Variants in GPR155 observed in about 807,000 individuals in gnomAD.
GPR155 encodes lysosomal cholesterol signaling protein.
GPR155 carries 65 observed loss-of-function variants against 93.1 expected under a neutral mutation model. The observed-to-expected ratio is 0.70, with a 90% CI of 0.57 to 0.86. GPR155 has a LOEUF of 0.86. GPR155 is among the 40% of genes least tolerant of loss of function. The pLI is 0.00. For missense variants in GPR155, 838 were observed against 1,034.8 expected (o/e 0.81, Z 2.61); for synonymous variants, 319 against 360.1 (o/e 0.89, Z 1.29).
intron 11 of GPR155, among the ~76,000 whole-genome samples, chr2:174,450,613 A>G (rs1687290282): frequency 6.6e-6 from 1 of 152,184 alleles, no homozygotes; most frequent in Admixed American, 6.5e-5. Flanking sequence ...GAGGTGAGGG[A>G]CTTTTCACAG....
rs1686649836 is a variant in GPR155 at position 174,431,721 on chromosome 2, A to C, written c.*4395T>G. ...TACCTATGTGCAGTGGCCTAAAGTAATTTAATATTTTACATGATGAGATAT... is the reference window on the plus strand; with the variant it reads ...TACCTATGTGCAGTGGCCTAAAGTACTTTAATATTTTACATGATGAGATAT... On this transcript the variant is annotated 3_prime_UTR_variant, in exon 16 of 16. Coordinates refer to ENST00000392552, the MANE Select transcript of GPR155 (RefSeq NM_152529.7). 2.6e-5 allele frequency: 4 copies of C among 152,218 alleles called. No homozygotes were observed. In the South Asian group the frequency reaches 8.3e-4, roughly 31 times the overall value. The allele number at this position is 152,218 out of a possible 1,614,324, so 9.4% of individuals were successfully genotyped here.
intron 12 of GPR155, 98 bp from the exon 13 acceptor site, chr2:174,445,274 C>A: frequency 1.5e-6 from 1 of 649,310 alleles, no homozygotes; most frequent in Non-Finnish European, 2.7e-6. Context: ...TTAATAATTA[C>A]AGGGAAAAAG....
intron 5 of GPR155, among the ~76,000 whole-genome samples, chr2:174,467,287 G>A (rs1335832182): frequency 1.3e-5 from 2 of 152,208 alleles, no homozygotes; most frequent in Non-Finnish European, 2.9e-5. Flanking sequence ...ATCACTTGAG[G>A]TTAAGAGTTC....
chr2:174,455,108 T>C (rs549940742), intron 10 of GPR155, among the ~76,000 whole-genome samples: 1 of 152,314 alleles, frequency 6.6e-6, no homozygotes, highest in East Asian at 1.9e-4. Flanking sequence ...GTGATAGATA[T>C]GCTAATTACC....
In GPR155 at chr2:174,473,273, C is replaced by T. The variant is rs1289825574; in HGVS notation, c.552G>A (p.Gly184=). ...ACTTTTGGATTTCACAGAAAATAAA[C>T]CCTATAGGGTTTAACATCATAAGAG... The part of the protein sequence containing the change: ...PISLMMLNPI[G]FIFCEIQKWK... The change falls in exon 3 of 16, where the codon GGG becomes GGA. Residue 184 remains glycine, a synonymous_variant. Transcript: ENST00000392552. The T allele has an allele frequency of 6.2e-7, 1 of 1,611,408 alleles. No individual in the cohort carries two copies. Among genetic ancestry groups the T allele is most frequent in the East Asian group, 2.2e-5 (1 of 44,846 alleles).
At position 174,453,801 on chromosome 2, in the gene GPR155, G is replaced by T. The variant is rs1235535193; in HGVS notation, c.1812C>A (p.Cys604Ter). 1 of 1,613,680 alleles carries T rather than the reference G, an allele frequency of 6.2e-7. No homozygotes were observed. Among genetic ancestry groups the T allele is most frequent in the Non-Finnish European group, 8.5e-7 (1 of 1,179,700 alleles). The change falls in exon 11 of 16, where the codon TGC becomes TGA. Residue 604 changes from cysteine (C) to a stop codon, truncating the protein, a stop_gained. Transcript: ENST00000392552. LOFTEE classifies it high-confidence loss of function. Reference protein sequence around the residue: ...SCSMGNGELHCPSIEPIANTS... With the variant: ...SCSMGNGELH Reference sequence around the variant, plus strand: ...TGTTTGCTATTGGCTCTATTGATGGGCAGTGTAATTCACCATTTCCCATGG... The same window carrying T: ...TGTTTGCTATTGGCTCTATTGATGGTCAGTGTAATTCACCATTTCCCATGG...
chr2:174,456,531 G>A (rs1640256599), intron 10 of GPR155, among the ~76,000 whole-genome samples: 1 of 151,956 alleles, frequency 6.6e-6, no homozygotes. Context: ...TCCAACTCCT[G>A]AGCTTAGGCA....
At position 174,446,604 on chromosome 2, in the gene GPR155, C is replaced by A. The variant is rs771660658; in HGVS notation, c.2013+7G>T. ...GGCCCCAAAACAAAACCAGAAAAAA[C>A]CATTACAGCGAACAGGCCAATGATG... On this transcript the variant is annotated splice_region_variant and intron_variant, in intron 12 of 15. Transcript: ENST00000392552. 6 of 1,599,768 alleles carry A rather than the reference C, an allele frequency of 3.8e-6. No homozygotes were observed. Among genetic ancestry groups the A allele is most frequent in the Middle Eastern group, 1.7e-4 (1 of 6,028 alleles).
In GPR155 at chr2:174,433,993, C is replaced by T. The variant is rs1290858416; in HGVS notation, c.*2123G>A. 1 of 150,386 alleles carries T rather than the reference C, an allele frequency of 6.6e-6. No individual in the cohort carries two copies. The highest frequency in any genetic ancestry group is 1.5e-5 in the Non-Finnish European group (1 of 67,772). 9.3% of individuals were successfully genotyped at this position (150,386 alleles called of 1,614,324 possible). On this transcript the variant is annotated 3_prime_UTR_variant, in exon 16 of 16. Transcript: ENST00000392552. ...TTTTTTTTTCTGAGACAGAGTCTCA[C>T]TCTGACACTCAGGCTGGAGTGCAGT...
intron 11 of GPR155, among the ~76,000 whole-genome samples, chr2:174,448,495 C>T (rs960340340): frequency 1.3e-5 from 2 of 151,392 alleles, no homozygotes; most frequent in East Asian, 1.9e-4. Context: ...GTAACAAAAA[C>T]ACTATACTGG....
At chr2:174,483,395 T>G (rs1220081782) in intron 1 of GPR155, among the ~76,000 whole-genome samples, 1 of 152,082 alleles carries the variant, frequency 6.6e-6, no homozygotes, top group Non-Finnish European at 1.5e-5. Flanking sequence ...AAATACAAAA[T>G]GTTTTGTAAA....
intron 11 of GPR155, among the ~76,000 whole-genome samples, chr2:174,448,826 C>T (rs1210804592): frequency 2.0e-5 from 3 of 151,734 alleles, no homozygotes; most frequent in Admixed American, 6.6e-5. Context: ...CGTGAGCCAC[C>T]GCGCCCGGCC....
intron 10 of GPR155, among the ~76,000 whole-genome samples, chr2:174,454,959 A>G (rs1424423258): frequency 1.3e-5 from 2 of 152,284 alleles, no homozygotes; most frequent in East Asian, 3.9e-4. Context: ...TGGGGTCAAC[A>G]GGTACAAAGT....
At chr2:174,454,855 GGAAGGAAGGGAAAGGAAGGAAGA>G (rs1360018186) in intron 10 of GPR155, among the ~76,000 whole-genome samples, 2 of 137,318 alleles carry the variant, frequency 1.5e-5, no homozygotes, top group South Asian at 2.4e-4. Flanking sequence ...AGGAAGGAAG[GGAAGGAAGGGAAAGGAAGGAAGA>G]GAAGGAAGGG....
chr2:174,484,587 C>G (rs1688420139), intron 1 of GPR155, among the ~76,000 whole-genome samples: 1 of 152,180 alleles, frequency 6.6e-6, no homozygotes, highest in Admixed American at 6.5e-5. Context: ...TCATAAGTTA[C>G]TTAGTCTTTC....
chr2:174,432,218 CAAAGA>C lies in GPR155; in HGVS notation c.*3893_*3897del, dbSNP rs1241105243. 1 of 152,520 alleles carries C rather than the reference CAAAGA, an allele frequency of 6.6e-6. No individual in the cohort carries two copies. Among genetic ancestry groups the C allele is most frequent in the Non-Finnish European group, 1.5e-5 (1 of 68,016 alleles). 9.4% of individuals were successfully genotyped at this position (152,520 alleles called of 1,614,324 possible). On this transcript the variant is annotated 3_prime_UTR_variant, in exon 16 of 16. Transcript: ENST00000392552. Reference sequence around the variant, plus strand: ...TGGCTTCTGCATTATTCAGATTACTCAAAGAAAAGATGTCAGTAATGCAAGTTAAA... The same window carrying C: ...TGGCTTCTGCATTATTCAGATTACTCAAAGATGTCAGTAATGCAAGTTAAA...
chr2:174,441,328 G>A lies in GPR155; in HGVS notation c.2174+791C>T, dbSNP rs950949094. ...TTTATAATTTAGGCATTAAAAATAC[G>A]TCCTAGTAAAAGTTTCACCATACAA... On this transcript the variant is annotated intron_variant, in intron 14 of 15. Transcript: ENST00000392552. Among the ~76,000 whole-genome samples, 10 of 151,686 alleles carry A rather than the reference G, an allele frequency of 6.6e-5. No homozygotes were observed. The East Asian group carries it at 9.6e-4, about 15-fold the overall frequency.
At chr2:174,441,386 T>C (rs1686953806) in intron 14 of GPR155, among the ~76,000 whole-genome samples, 1 of 151,578 alleles carries the variant, frequency 6.6e-6, no homozygotes, top group South Asian at 2.1e-4. Context: ...GGGCTAATTT[T>C]ACCAATCAAA....
chr2:174,470,239 G>C (rs1019221617), intron 4 of GPR155, 151 bp downstream of exon 4: 5 of 616,304 alleles, frequency 8.1e-6, no homozygotes, highest in Non-Finnish European at 1.4e-5. Context: ...GCAGAAGGCA[G>C]GAGTTTGAAA....
Sources: allele counts gnomAD v4.1 joint callset (sites outside exome capture counted in the v4.1 genomes callset), GRCh38; gene constraint gnomAD v4.1.1; transcripts MANE v1.5; gene names NCBI Gene and HGNC (gene_info 2026-07-23, HGNC 2026-07-21).